Variants in IRAK1BP1 observed in about 807,000 individuals in gnomAD.
IRAK1BP1 encodes interleukin-1 receptor-associated kinase 1-binding protein 1.
In IRAK1BP1, 24 loss-of-function variants were observed where a neutral mutation model predicts 28.0. The ratio of observed to expected loss-of-function variants is 0.86; its 90% CI spans 0.62 to 1.20. IRAK1BP1 has a LOEUF of 1.20. IRAK1BP1 is among the 50% of genes most tolerant of loss of function. The probability of loss-of-function intolerance (pLI) is 0.00; values close to 1 mark genes in which losing one functional copy is unlikely to be tolerated. For synonymous variants in IRAK1BP1, 131 were observed against 116.3 expected, an observed-to-expected ratio of 1.13 and a Z score of -0.81; for missense variants, 336 against 316.7, an observed-to-expected ratio of 1.06 and a Z score of -0.46.
chr6:78,925,914 T>C (rs1039310102), intron 4 of IRAK1BP1, among the ~76,000 whole-genome samples: 3 of 152,200 alleles, frequency 2.0e-5, no homozygotes, highest in East Asian at 1.9e-4. Context: ...CTCAAGACCG[T>C]TATCCTAAGC....
chr6:78,946,089 A>C, exon 5 of IRAK1BP1: 2 of 1,613,620 alleles, frequency 1.2e-6, no homozygotes, highest in Non-Finnish European at 8.5e-7. Context: ...TGACAACTGG[A>C]TCTACAACCA....
chr6:78,891,921 C>T (rs1771678733), intron 2 of IRAK1BP1, among the ~76,000 whole-genome samples: 2 of 152,172 alleles, frequency 1.3e-5, no homozygotes, highest in Admixed American at 6.5e-5. Context: ...TATATTATTC[C>T]ATCCAATCTT....
At chr6:78,926,240 A>G (rs1276680405) in intron 4 of IRAK1BP1, among the ~76,000 whole-genome samples, 2 of 152,214 alleles carry the variant, frequency 1.3e-5, no homozygotes, top group African/African-American at 4.8e-5. Flanking sequence ...AAATTAGTTC[A>G]GCCACTGTGG....
chr6:78,948,913 TA>T (rs1455379510), downstream of IRAK1BP1, among the ~76,000 whole-genome samples: 1 of 152,234 alleles, frequency 6.6e-6, no homozygotes, highest in African/African-American at 2.4e-5. Context: ...AGGTGTCCTA[TA>T]AGGTAGGATT....
chr6:78,957,834 G>C, the IRAK1BP1 span: 1 of 151,972 alleles, frequency 6.6e-6, no homozygotes, highest in African/African-American at 2.4e-5. Flanking sequence ...AAGTACTTCT[G>C]CCTTAATAAA....
chr6:78,903,097 T>C lies in IRAK1BP1; in HGVS notation c.*4763T>C, dbSNP rs1463830485. The C allele has an allele frequency of 8.8e-6, 13 of 1,477,540 alleles. No homozygotes were observed. The highest frequency in any genetic ancestry group is 1.7e-4 in the Middle Eastern group (1 of 5,870). The allele number at this position is 1,477,540 out of a possible 1,614,324, so 91.5% of individuals were successfully genotyped here. On this transcript the variant is annotated 3_prime_UTR_variant, in exon 4 of 4. Coordinates refer to ENST00000369940, the MANE Select transcript of IRAK1BP1 (RefSeq NM_001010844.4). The stretch of plus-strand genomic sequence containing the variant: ...CCACATCAAATGAACAAATACTGCC[T>C]CTGGACTCTGAATGTAAGTTGGTTC...
intron 4 of IRAK1BP1, among the ~76,000 whole-genome samples, chr6:78,917,415 A>G (rs1772589614): frequency 6.6e-6 from 1 of 152,076 alleles, no homozygotes; most frequent in Non-Finnish European, 1.5e-5. Flanking sequence ...GAAGTATGGA[A>G]TAACGTACAG....
At chr6:78,906,395 G>A (rs886240385), downstream of IRAK1BP1, among the ~76,000 whole-genome samples, 5 of 152,026 alleles carry the variant, frequency 3.3e-5, no homozygotes, top group Non-Finnish European at 5.9e-5. Context: ...GAAATTACAC[G>A]TTGTCACCTA....
At chr6:78,918,456 C>T (rs977912313) in intron 4 of IRAK1BP1, among the ~76,000 whole-genome samples, 1 of 150,834 alleles carries the variant, frequency 6.6e-6, no homozygotes. Context: ...ACCCTTCTTA[C>T]ATGTTATGAC....
intron 2 of IRAK1BP1, among the ~76,000 whole-genome samples, chr6:78,890,481 C>T (rs557732638): frequency 1.3e-5 from 2 of 151,836 alleles, no homozygotes; most frequent in African/African-American, 4.8e-5. Flanking sequence ...AAAAATTTAT[C>T]CAAAATTTAC....
intron 4 of IRAK1BP1, among the ~76,000 whole-genome samples, chr6:78,925,423 G>A (rs1370116987): frequency 6.6e-6 from 1 of 152,048 alleles, no homozygotes; most frequent in African/African-American, 2.4e-5. Flanking sequence ...TGATCAACAA[G>A]CATATGAAAA....
intron 4 of IRAK1BP1, among the ~76,000 whole-genome samples, chr6:78,914,943 C>T (rs1435499089): frequency 6.6e-6 from 1 of 152,268 alleles, no homozygotes; most frequent in Middle Eastern, 3.4e-3. Context: ...GCCTCAGCCT[C>T]CCGAGTAGCT....
At chr6:78,969,456 T>A in the IRAK1BP1 span, among the ~76,000 whole-genome samples, 1 of 152,208 alleles carries the variant, frequency 6.6e-6, no homozygotes, top group Non-Finnish European at 1.5e-5. Flanking sequence ...AAGATTATAA[T>A]AGGATTAACC....
At chr6:78,911,178 G>C (rs1480322978) in intron 4 of IRAK1BP1, among the ~76,000 whole-genome samples, 2 of 151,966 alleles carry the variant, frequency 1.3e-5, no homozygotes, top group Non-Finnish European at 2.9e-5. Flanking sequence ...GCTTGAGACC[G>C]GGCCACCTCC....
At chr6:78,944,184 TGG>T (rs1350024656) in intron 4 of IRAK1BP1, among the ~76,000 whole-genome samples, 1 of 151,950 alleles carries the variant, frequency 6.6e-6, no homozygotes, top group Non-Finnish European at 1.5e-5. Context: ...TTAGGATGAC[TGG>T]GATACAAAAG....
rs36155238 is a variant in IRAK1BP1, at chr6:78,940,548, GTTTTTT to G, written c.*68-4842_*68-4837del. 1.2e-4 allele frequency: 10 copies of G among 82,714 alleles called. No homozygotes were observed. In the East Asian group the frequency reaches 1.9e-3, roughly 15 times the overall value. The allele number at this position is 82,714 out of a possible 1,614,324, so 5.1% of individuals were successfully genotyped here. The stretch of plus-strand genomic sequence containing the variant: ...AAGAAGTGAAGTGTCTCGTAAGTTT[GTTTTTT>G]TTTTTTTTTTTTTTTTTGCAAATCA... On this transcript the variant is annotated intron_variant and NMD_transcript_variant, in intron 4 of 4. Coordinates refer to the IRAK1BP1 transcript ENST00000606868.
chr6:78,937,648 G>C (rs898399115), intron 4 of IRAK1BP1: 1 of 150,926 alleles, frequency 6.6e-6, no homozygotes, highest in East Asian at 2.0e-4. Context: ...AATTTGTAGT[G>C]AAGTTGTGCA....
rs779610979 is a variant in IRAK1BP1 at position 78,870,348 on chromosome 6, A to G, written c.315+2457A>G. Among the ~76,000 whole-genome samples, 3 of 151,844 alleles carry G rather than the reference A, an allele frequency of 2.0e-5. No homozygotes were observed. In the South Asian group the frequency reaches 6.2e-4, roughly 32 times the overall value. Reference sequence around the variant, plus strand: ...TGCCATGCAACACTTCACTCCCTATACTTGTAATAAAAACTTATCCTGTAT... The same window carrying G: ...TGCCATGCAACACTTCACTCCCTATGCTTGTAATAAAAACTTATCCTGTAT... On this transcript the variant is annotated intron_variant, in intron 1 of 3. Coordinates refer to ENST00000369940, the MANE Select transcript of IRAK1BP1 (RefSeq NM_001010844.4).
chr6:78,867,941 T>G, intron 1 of IRAK1BP1, 50 bp downstream of exon 1: 2 of 1,484,034 alleles, frequency 1.3e-6, no homozygotes, highest in Non-Finnish European at 1.8e-6. Flanking sequence ...ACAAAAGGGT[T>G]GGCAGATGGT....
Sources: gnomAD v4.1 joint callset for allele counts (sites outside exome capture counted in the v4.1 genomes callset) on GRCh38, gnomAD v4.1.1 for gene constraint, MANE v1.5 for transcripts, NCBI Gene and HGNC (gene_info 2026-07-23, HGNC 2026-07-21) for gene names.